FAM227B: variants seen among roughly 807,000 people sequenced by gnomAD.
FAM227B encodes family with sequence similarity 227 member B.
In FAM227B, 88 loss-of-function variants were observed where a neutral mutation model predicts 73.8. The ratio of observed to expected loss-of-function variants is 1.19; its 90% CI spans 1.00 to 1.42. The LOEUF is 1.42. FAM227B is among the 40% of genes most tolerant of loss of function. The pLI is 0.00. For synonymous variants in FAM227B, 210 were observed against 190.5 expected (o/e 1.10, Z -0.84); for missense variants, 632 against 590.9 (o/e 1.07, Z -0.72).
At position 49,610,420 on chromosome 15, in the gene FAM227B, T is replaced by TAA. The variant is rs72044107; in HGVS notation, c.105+793_105+794dup. Among the ~76,000 whole-genome samples, 443 of 119,564 alleles carry TAA rather than the reference T, an allele frequency of 3.7e-3. 2 individuals carry two copies. The highest frequency in any genetic ancestry group is 5.6e-3 in the Non-Finnish European group (316 of 56,808). The allele number at this position is 119,564 out of a possible 152,430, so 78.4% of individuals were successfully genotyped here. The stretch of plus-strand genomic sequence containing the variant: ...CAATCCTTTCCCAAAACATTGAAAG[T>TAA]AAAAAAAAAAAAAAAAAAAAACTTG... On this transcript the variant is annotated intron_variant, in intron 3 of 15. Transcript: ENST00000299338.
chr15:49,514,172 A>G (rs1019622269), intron 10 of FAM227B, among the ~76,000 whole-genome samples: 1 of 152,130 alleles, frequency 6.6e-6, no homozygotes, highest in East Asian at 1.9e-4. Flanking sequence ...AATTACATTT[A>G]TAAATTACTT....
chr15:49,354,412 G>A (rs1184364455), intron 13 of FAM227B, among the ~76,000 whole-genome samples: 1 of 152,220 alleles, frequency 6.6e-6, no homozygotes, highest in Non-Finnish European at 1.5e-5. Context: ...GCCGAAGCAG[G>A]GCGAGGCATT....
At position 49,612,030 on chromosome 15, in the gene FAM227B, TTTC is replaced by T. The variant is rs202086684; in HGVS notation, c.52-765_52-763del. Among the ~76,000 whole-genome samples, 839 of 147,814 alleles carry T rather than the reference TTTC, an allele frequency of 5.7e-3. 8 individuals carry two copies. Among genetic ancestry groups the T allele is most frequent in the African/African-American group, 0.02 (797 of 39,614 alleles). ...AACTATGGTGCAATCATGGCTGAAT[TTTC>T]TTTTTTTTTTTTTTTAATTTGGTAT... On this transcript the variant is annotated intron_variant, in intron 2 of 15. Transcript: ENST00000299338.
At chr15:49,362,438 T>C (rs974305698) in intron 13 of FAM227B, among the ~76,000 whole-genome samples, 11 of 152,302 alleles carry the variant, frequency 7.2e-5, no homozygotes, top group Admixed American at 1.3e-4. Context: ...GTTAAATCTC[T>C]TTTCTTCATA....
intron 5 of FAM227B, among the ~76,000 whole-genome samples, chr15:49,578,143 T>A (rs74014352): frequency 0.015 from 2,229 of 152,284 alleles, 70 homozygotes; most frequent in African/African-American, 0.051. Flanking sequence ...AAAGTATTGA[T>A]CAGAGCTGTC....
chr15:49,496,739 T>A (rs1057002019), intron 11 of FAM227B, among the ~76,000 whole-genome samples: 1 of 152,174 alleles, frequency 6.6e-6, no homozygotes, highest in Admixed American at 6.5e-5. Context: ...AAAAATTATG[T>A]TTTAAATATG....
chr15:49,436,118 TCTAA>T (rs2051084333), intron 11 of FAM227B, among the ~76,000 whole-genome samples: 1 of 151,542 alleles, frequency 6.6e-6, no homozygotes, highest in African/African-American at 2.4e-5. Context: ...GTATATAAAT[TCTAA>T]CTGTTTTAAA....
Position 49,518,291 on chromosome 15 carries a change from T to C in FAM227B, c.875-9943A>G, listed in dbSNP as rs555435486. On this transcript the variant is annotated intron_variant, in intron 10 of 15. Coordinates refer to ENST00000299338, the MANE Select transcript of FAM227B (RefSeq NM_152647.3). ...CTTAAAAAATATAGGTCTGTGTTTT[T>C]ATAGGATTTTAAGATGGCTGCCTAT... 8.8e-4 allele frequency among the ~76,000 whole-genome samples: 134 copies of C among 152,284 alleles called. 5 individuals carry two copies. The South Asian group carries it at 0.027, about 30-fold the overall frequency.
intron 10 of FAM227B, among the ~76,000 whole-genome samples, chr15:49,515,576 T>C: frequency 6.6e-6 from 1 of 152,144 alleles, no homozygotes; most frequent in East Asian, 1.9e-4. Flanking sequence ...ATGAGGTAAG[T>C]AGTTTTAACG....
intron 1 of FAM227B, among the ~76,000 whole-genome samples, chr15:49,618,336 A>C (rs2078430311): frequency 6.6e-6 from 1 of 152,182 alleles, no homozygotes; most frequent in Non-Finnish European, 1.5e-5. Flanking sequence ...AAATAAACTA[A>C]AGGCTGTAAC....
intron 11 of FAM227B, among the ~76,000 whole-genome samples, chr15:49,373,685 C>T (rs1183889981): frequency 6.6e-6 from 1 of 152,022 alleles, no homozygotes; most frequent in Non-Finnish European, 1.5e-5. Context: ...GATGTTATCC[C>T]CTCTAAAAGG....
chr15:49,430,356 A>G (rs1051262639), intron 11 of FAM227B, among the ~76,000 whole-genome samples: 14 of 151,758 alleles, frequency 9.2e-5, no homozygotes, highest in African/African-American at 3.4e-4. Flanking sequence ...TAAATGAGCC[A>G]CCTTATGACT....
intron 10 of FAM227B, among the ~76,000 whole-genome samples, chr15:49,536,063 G>A (rs1350967969): frequency 9.3e-6 from 1 of 107,630 alleles, no homozygotes; most frequent in African/African-American, 3.5e-5. Context: ...ACTAGCAAGG[G>A]CAATCAGACA....
chr15:49,328,571 G>C lies in FAM227B; in HGVS notation c.1524C>G (p.Tyr508Ter). Residue 508 changes from tyrosine to a stop codon, truncating the protein, a stop_gained, in exon 16 of 16, where the codon TAC becomes TAG. Coordinates refer to ENST00000299338, the MANE Select transcript of FAM227B (RefSeq NM_152647.3). LOFTEE classifies it high-confidence loss of function. ...TAGAGTTCATTTCTGGTTTCTCTTA[G>C]TATTCTTCTTCCTCAAAGTTGTAGT... Reference protein sequence around the residue: ...TDNYNFEEEEY With the variant: ...TDNYNFEEEE 2.5e-6 allele frequency: 4 copies of C among 1,604,348 alleles called. No individual in the cohort carries two copies. The highest frequency in any genetic ancestry group is 1.7e-4 in the Middle Eastern group (1 of 6,048).
chr15:49,470,133 G>A (rs2054606036), intron 11 of FAM227B, among the ~76,000 whole-genome samples: 1 of 152,072 alleles, frequency 6.6e-6, no homozygotes, highest in South Asian at 2.1e-4. Flanking sequence ...TATGATCAAA[G>A]CGTGGAAAAT....
chr15:49,425,921 TG>T (rs1470319567), intron 11 of FAM227B, among the ~76,000 whole-genome samples: 4 of 151,722 alleles, frequency 2.6e-5, no homozygotes, highest in Non-Finnish European at 4.4e-5. Context: ...AAAATTTTTT[TG>T]ATATCTACTT....
chr15:49,454,124 T>C (rs2053042400), intron 11 of FAM227B, among the ~76,000 whole-genome samples: 1 of 152,178 alleles, frequency 6.6e-6, no homozygotes, highest in Non-Finnish European at 1.5e-5. Flanking sequence ...ATGTACAACA[T>C]AGATGGGGCA....
rs538919309 is a variant in FAM227B at position 49,506,495 on chromosome 15, C to A, written c.1012+1716G>T. On this transcript the variant is annotated intron_variant, in intron 11 of 15. Transcript: ENST00000299338. ...GAGATTTTTTTTAACTGCAGATATA[C>A]ATTCTTCTCAAGTGTACATGGAATG... 1.6e-3 allele frequency among the ~76,000 whole-genome samples: 242 copies of A among 152,040 alleles called. 2 individuals are homozygous for A. Among genetic ancestry groups the A allele is most frequent in the Non-Finnish European group, 2.0e-3 (134 of 67,892 alleles).
rs149616627 is a variant in FAM227B at position 49,614,286 on chromosome 15, A to G, written c.51+835T>C. Among the ~76,000 whole-genome samples the G allele has an allele frequency of 3.9e-3, 597 of 152,312 alleles. 7 individuals are homozygous for G. Among genetic ancestry groups the G allele is most frequent in the Admixed American group, 6.2e-3 (95 of 15,298 alleles). On this transcript the variant is annotated intron_variant, in intron 2 of 15. Coordinates refer to ENST00000299338, the MANE Select transcript of FAM227B (RefSeq NM_152647.3). ...GGATGTAGAAGGATATAAAACACCT[A>G]CACTTCCATGATAATAATAAGACAA...
Sources: allele counts gnomAD v4.1 joint callset (sites outside exome capture counted in the v4.1 genomes callset), GRCh38; gene constraint gnomAD v4.1.1; transcripts MANE v1.5; gene names NCBI Gene and HGNC (gene_info 2026-07-23, HGNC 2026-07-21).